Variants in SV2C observed in about 807,000 individuals in gnomAD.
The protein encoded by SV2C is solute carrier family 22 member B3.
Under a neutral mutation model 79.7 loss-of-function variants are expected in SV2C, and 49 were observed. That is an observed-to-expected ratio of 0.61 (90% CI 0.49 to 0.78). The LOEUF (loss-of-function observed/expected upper bound fraction) is 0.78. Among genes scored for constraint, SV2C ranks in the 30% least tolerant of loss-of-function variants. The pLI is 0.00. For synonymous variants in SV2C, 334 were observed against 333.2 expected (o/e 1.00, Z -0.03); for missense variants, 833 against 912.9 (o/e 0.91, Z 1.13).
the SV2C span, among the ~76,000 whole-genome samples, chr5:75,922,746 G>T: frequency 2.2e-4 from 34 of 152,190 alleles, no homozygotes; most frequent in Non-Finnish European, 4.3e-4. Flanking sequence ...CTTCAGCTCT[G>T]TCTTCTCTTC....
chr5:76,212,166 C>T (rs1226295423), intron 4 of SV2C, among the ~76,000 whole-genome samples: 1 of 152,058 alleles, frequency 6.6e-6, no homozygotes, highest in Admixed American at 6.5e-5. Flanking sequence ...AGAGCAGCAT[C>T]TAACTCATGC....
At chr5:76,005,452 G>A in the SV2C span, among the ~76,000 whole-genome samples, 2 of 152,050 alleles carry the variant, frequency 1.3e-5, no homozygotes, top group Non-Finnish European at 2.9e-5. Context: ...ACCCTTCATG[G>A]TTTTTTAGTT....
chr5:76,023,520 A>ATG, the SV2C span, among the ~76,000 whole-genome samples: 1 of 151,676 alleles, frequency 6.6e-6, no homozygotes, highest in Non-Finnish European at 1.5e-5. Context: ...CTTGTGTATG[A>ATG]TGTGTGTGTG....
chr5:76,343,682 T>C (rs1419804982), intron 12 of SV2C, among the ~76,000 whole-genome samples: 2 of 152,212 alleles, frequency 1.3e-5, no homozygotes, highest in Non-Finnish European at 2.9e-5. Flanking sequence ...TAATTCCTCT[T>C]GGTATACACT....
chr5:76,005,639 C>T, the SV2C span, among the ~76,000 whole-genome samples: 1 of 152,264 alleles, frequency 6.6e-6, no homozygotes, highest in South Asian at 2.1e-4. Context: ...CTTCCTAGAT[C>T]AATATGCTGT....
At chr5:76,166,414 T>C (rs1743048254) in intron 2 of SV2C, among the ~76,000 whole-genome samples, 1 of 152,190 alleles carries the variant, frequency 6.6e-6, no homozygotes, top group East Asian at 1.9e-4. Context: ...AGCCAAGATC[T>C]GATTGTAAAG....
the SV2C span, chr5:75,911,305 G>A: frequency 1.6e-5 from 22 of 1,401,832 alleles, no homozygotes; most frequent in Non-Finnish European, 2.1e-5. Flanking sequence ...GAGCCCTTCA[G>A]GGCAGCCTTC....
At chr5:76,090,387 G>A (rs1747336136) in intron 1 of SV2C, among the ~76,000 whole-genome samples, 1 of 152,192 alleles carries the variant, frequency 6.6e-6, no homozygotes, top group African/African-American at 2.4e-5. Context: ...ATTGTATTTA[G>A]TCTTCGTGGT....
intron 2 of SV2C, among the ~76,000 whole-genome samples, chr5:76,137,299 C>G (rs982638747): frequency 7.9e-5 from 12 of 152,172 alleles, no homozygotes; most frequent in African/African-American, 2.9e-4. Flanking sequence ...AAATCCCTAA[C>G]TGTATCAGTT....
chr5:76,349,668 C>CTTT (rs1251447221), intron 12 of SV2C, among the ~76,000 whole-genome samples: 1 of 145,386 alleles, frequency 6.9e-6, no homozygotes, highest in South Asian at 2.2e-4. Flanking sequence ...TTTTAGCCTT[C>CTTT]ATTTTTTTTT....
At position 76,244,598 on chromosome 5, in the gene SV2C, T is replaced by C. The variant is rs187119827; in HGVS notation, c.913+34711T>C. On this transcript the variant is annotated intron_variant, in intron 4 of 12. Transcript: ENST00000502798. ...TCTTTCTTTGGTATTATCCTTTAAA[T>C]CTGGTATGTAGTTTACATTTACAAT... Among the ~76,000 whole-genome samples the C allele has an allele frequency of 3.3e-5, 5 of 152,354 alleles. No individual in the cohort carries two copies. The East Asian group carries it at 7.7e-4, about 23-fold the overall frequency.
chr5:76,253,894 A>G (rs538357349), intron 4 of SV2C, among the ~76,000 whole-genome samples: 18 of 152,214 alleles, frequency 1.2e-4, no homozygotes, highest in Non-Finnish European at 2.5e-4. Flanking sequence ...TTTTCTCCCT[A>G]TCATAAGTTT....
the SV2C span, among the ~76,000 whole-genome samples, chr5:76,035,377 G>A: frequency 6.6e-6 from 1 of 151,832 alleles, no homozygotes; most frequent in Non-Finnish European, 1.5e-5. Context: ...CCTTTCTCTT[G>A]TGGGCATTTA....
At chr5:76,035,484 T>C in the SV2C span, among the ~76,000 whole-genome samples, 21 of 152,202 alleles carry the variant, frequency 1.4e-4, no homozygotes, top group Non-Finnish European at 2.8e-4. Flanking sequence ...AACATCTTTA[T>C]TTCTGCCTTC....
At chr5:75,943,765 C>T in the SV2C span, among the ~76,000 whole-genome samples, 2 of 152,142 alleles carry the variant, frequency 1.3e-5, no homozygotes, top group Non-Finnish European at 2.9e-5. Context: ...TCAGGGCCTC[C>T]TTTTCTGCCA....
chr5:76,173,081 A>G (rs200064163), intron 2 of SV2C, among the ~76,000 whole-genome samples: 10 of 142,686 alleles, frequency 7.0e-5, no homozygotes, highest in African/African-American at 2.6e-4. Flanking sequence ...AAAAAAAAAA[A>G]TTAAAAAAAC....
At chr5:76,074,985 T>C in the SV2C span, among the ~76,000 whole-genome samples, 1 of 152,196 alleles carries the variant, frequency 6.6e-6, no homozygotes, top group Non-Finnish European at 1.5e-5. Flanking sequence ...AGTATAAGGA[T>C]GCTTTCAGCT....
chr5:75,849,647 T>C, the SV2C span, among the ~76,000 whole-genome samples: 32 of 152,362 alleles, frequency 2.1e-4, no homozygotes, highest in South Asian at 4.6e-3. Context: ...CTATTAAAAA[T>C]GTAAATAGAA....
chr5:76,270,105 G>T (rs1295972983), intron 4 of SV2C, among the ~76,000 whole-genome samples: 2 of 152,170 alleles, frequency 1.3e-5, no homozygotes, highest in Non-Finnish European at 2.9e-5. Flanking sequence ...CTCCTGCAGG[G>T]TCATAAATCT....
Sources: allele counts gnomAD v4.1 joint callset (sites outside exome capture counted in the v4.1 genomes callset), GRCh38; gene constraint gnomAD v4.1.1; transcripts MANE v1.5; gene names NCBI Gene and HGNC (gene_info 2026-07-23, HGNC 2026-07-21).